Variants in SNRPN observed in about 807,000 individuals in gnomAD.
The protein encoded by SNRPN is small nuclear ribonucleoprotein-associated protein N.
SNRPN carries 7 observed loss-of-function variants against 25.2 expected under a neutral mutation model. That is an observed-to-expected ratio of 0.28 (90% CI 0.16 to 0.52). The LOEUF (loss-of-function observed/expected upper bound fraction) is 0.52. Ranked by LOEUF, SNRPN falls within the 20% of genes least tolerant of loss-of-function variation. The pLI, the probability that SNRPN is intolerant of heterozygous loss-of-function variation, is 0.96. For missense variants in SNRPN, 196 were observed against 322.5 expected, an observed-to-expected ratio of 0.61 and a Z score of 3.00; for synonymous variants, 124 against 110.6, an observed-to-expected ratio of 1.12 and a Z score of -0.76.
chr15:24,928,123 T>G (rs1465010186), intron 3 of SNRPN, among the ~76,000 whole-genome samples: 1 of 152,174 alleles, frequency 6.6e-6, no homozygotes, highest in Non-Finnish European at 1.5e-5. Context: ...TCTCCTATAC[T>G]TTTGGTGGGA....
intron 3 of SNRPN, among the ~76,000 whole-genome samples, chr15:24,943,041 T>G (rs8023526): frequency 0.038 from 5,772 of 150,332 alleles, 286 homozygotes; most frequent in African/African-American, 0.12. Context: ...TTTTTTTTTT[T>G]GGGGCTGATT....
rs532553187 is a variant in SNRPN, at chr15:24,875,443, A to G, written c.-578-11073A>G. On this transcript the variant is annotated intron_variant, in intron 1 of 11. Transcript: ENST00000400097. ...AATTATTTTTCTCAATTTCAATCTA[A>G]ATGCTACATTAAATCGTTTTTAAGT... Among the ~76,000 whole-genome samples the G allele has an allele frequency of 7.2e-5, 11 of 152,316 alleles. 1 individual carries two copies. The South Asian group carries it at 2.3e-3, about 32-fold the overall frequency.
intron 2 of SNRPN, among the ~76,000 whole-genome samples, chr15:24,838,257 A>C (rs1271545134): frequency 1.3e-5 from 2 of 150,182 alleles, no homozygotes; most frequent in Admixed American, 6.6e-5. Context: ...GGATGGTCTC[A>C]ATCTCCTGAC....
intron 1 of SNRPN, among the ~76,000 whole-genome samples, chr15:24,884,350 A>C (rs965083334): frequency 1.3e-5 from 2 of 152,080 alleles, no homozygotes; most frequent in East Asian, 1.9e-4. Flanking sequence ...CAAACAAACA[A>C]AAAGGGTGTA....
chr15:24,974,972 G>C (rs767305319), intron 4 of SNRPN: 184 of 702,822 alleles, frequency 2.6e-4, no homozygotes, highest in Non-Finnish European at 1.5e-4. Context: ...GATTACAATA[G>C]AAATAAAGAG....
chr15:24,837,248 C>T (rs980875657), intron 2 of SNRPN, among the ~76,000 whole-genome samples: 13 of 151,908 alleles, frequency 8.6e-5, no homozygotes, highest in African/African-American at 1.5e-4. Context: ...TTTGGGCAAG[C>T]GTTAAGTCTG....
chr15:24,951,351 AGCCCCAAGTG>A (rs1566944484), upstream of SNRPN, among the ~76,000 whole-genome samples: 1 of 152,044 alleles, frequency 6.6e-6, no homozygotes, highest in Non-Finnish European at 1.5e-5. Context: ...TTTTAATTCT[AGCCCCAAGTG>A]GCATCTCATT....
At chr15:24,923,517 C>T (rs1293495983) in intron 3 of SNRPN, among the ~76,000 whole-genome samples, 1 of 151,990 alleles carries the variant, frequency 6.6e-6, no homozygotes, top group African/African-American at 2.4e-5. Context: ...GATGAAAAGA[C>T]ATGTATTTAA....
At chr15:24,857,858 A>G (rs867535584) in intron 1 of SNRPN, among the ~76,000 whole-genome samples, 1 of 152,240 alleles carries the variant, frequency 6.6e-6, no homozygotes, top group South Asian at 2.1e-4. Context: ...TAGGGGGATC[A>G]GGGGTTTCTA....
chr15:24,860,340 T>C (rs35673221), intron 1 of SNRPN, among the ~76,000 whole-genome samples: 23,334 of 152,240 alleles, frequency 0.15, 2,227 homozygotes, highest in East Asian at 0.33. Context: ...CTGGTATTTA[T>C]TTAGTGAAGA....
chr15:24,876,259 T>G (rs1014291007), intron 1 of SNRPN, among the ~76,000 whole-genome samples: 1 of 152,008 alleles, frequency 6.6e-6, no homozygotes, highest in Admixed American at 6.6e-5. Context: ...CCAAAATACA[T>G]TTCTCCTTTA....
intron 1 of SNRPN, among the ~76,000 whole-genome samples, chr15:24,827,983 CTGT>C (rs2050224449): frequency 6.6e-6 from 1 of 151,996 alleles, no homozygotes; most frequent in Admixed American, 6.5e-5. Flanking sequence ...TGCATATTGT[CTGT>C]TGTTGACCAA....
At chr15:24,977,124 T>G (rs997725949) in intron 7 of SNRPN, 95 bp downstream of exon 7, 6 of 973,984 alleles carry the variant, frequency 6.2e-6, no homozygotes, top group Middle Eastern at 3.0e-4. Context: ...TGTCATACAA[T>G]GTAAACAGCA....
At chr15:24,970,466 C>CAT (rs2076259118) in intron 3 of SNRPN, among the ~76,000 whole-genome samples, 1 of 152,078 alleles carries the variant, frequency 6.6e-6, no homozygotes, top group Non-Finnish European at 1.5e-5. Context: ...GTAATCCCAG[C>CAT]TACTCGGGAG....
chr15:24,977,863 C>T lies in SNRPN; in HGVS notation c.506C>T (p.Pro169Leu). 1 of 1,612,948 alleles carries T rather than the reference C, an allele frequency of 6.2e-7. No homozygotes were observed. The highest frequency in any genetic ancestry group is 8.5e-7 in the Non-Finnish European group (1 of 1,179,374). ...ATTGCTGGAGCCCCAACACAGTACC[C>T]ACCAGGACGGGGCACTCCGCCCCCA... ...ASIAGAPTQY[P>L]PGRGTPPPPV... Residue 169 changes from proline to leucine, a missense_variant, in exon 8 of 10, where the codon CCA becomes CTA. By Grantham distance (98) the Pro-to-Leu change is moderately conservative. Transcript: ENST00000390687.
chr15:24,828,576 A>T (rs547401557), intron 1 of SNRPN, among the ~76,000 whole-genome samples: 105 of 152,244 alleles, frequency 6.9e-4, no homozygotes, highest in Non-Finnish European at 1.1e-3. Context: ...AAAGAAAGAA[A>T]AATAAACATA....
chr15:24,930,155 A>G (rs537414724), intron 3 of SNRPN, among the ~76,000 whole-genome samples: 1 of 151,408 alleles, frequency 6.6e-6, no homozygotes, highest in South Asian at 2.1e-4. Flanking sequence ...AAAATAAATA[A>G]ATAAAAATAA....
chr15:24,899,400 T>C (rs117007533), intron 2 of SNRPN, among the ~76,000 whole-genome samples: 4 of 152,368 alleles, frequency 2.6e-5, no homozygotes, highest in Non-Finnish European at 5.9e-5. Context: ...CCCTTAAAAA[T>C]ATATTGTGTT....
At chr15:24,918,938 CATATATATAACATAAT>C (rs2059839513) in intron 2 of SNRPN, among the ~76,000 whole-genome samples, 1 of 50,596 alleles carries the variant, frequency 2.0e-5, no homozygotes, top group Non-Finnish European at 3.5e-5. Context: ...TATATGCGCA[CATATATATAACATAAT>C]ATATATGCGC....
Sources: allele counts gnomAD v4.1 joint callset (sites outside exome capture counted in the v4.1 genomes callset), GRCh38; gene constraint gnomAD v4.1.1; transcripts MANE v1.5; gene names NCBI Gene and HGNC (gene_info 2026-07-23, HGNC 2026-07-21).